The following MAP2K5 variants were observed in gnomAD, a reference collection of about 807,000 sequenced individuals.
The protein encoded by MAP2K5 is mitogen-activated protein kinase kinase 5.
Under a neutral mutation model 83.1 loss-of-function variants are expected in MAP2K5, and 49 were observed. The ratio of observed to expected loss-of-function variants is 0.59; its 90% CI spans 0.47 to 0.75. The LOEUF (loss-of-function observed/expected upper bound fraction) is 0.75. MAP2K5 is among the 30% of genes least tolerant of loss of function. The pLI is 0.00. For synonymous variants in MAP2K5, 202 were observed against 191.8 expected (o/e 1.05, Z -0.44); for missense variants, 457 against 557.5 (o/e 0.82, Z 1.82).
In MAP2K5 at chr15:67,800,161, T is replaced by G. The variant is rs1404249895; in HGVS notation, c.1243-6485T>G. 5.3e-5 allele frequency among the ~76,000 whole-genome samples: 8 copies of G among 152,348 alleles called. No individual in the cohort carries two copies. In the East Asian group the frequency reaches 1.5e-3, roughly 29 times the overall value. On this transcript the variant is annotated intron_variant, in intron 21 of 21. Coordinates refer to ENST00000178640, the MANE Select transcript of MAP2K5 (RefSeq NM_145160.3). ...CACTTGTCAGCAATTCAGCAGACAG[T>G]GGAAATCTGTGCATCCTCCCATAAA...
At chr15:67,605,581 G>A (rs2085761820) in intron 8 of MAP2K5, among the ~76,000 whole-genome samples, 1 of 151,994 alleles carries the variant, frequency 6.6e-6, no homozygotes, top group Non-Finnish European at 1.5e-5. Flanking sequence ...AGGACAGCTG[G>A]GTTAAGCCCA....
intron 9 of MAP2K5, among the ~76,000 whole-genome samples, chr15:67,635,447 T>C (rs2086582611): frequency 6.6e-6 from 1 of 152,172 alleles, no homozygotes; most frequent in Non-Finnish European, 1.5e-5. Context: ...AGTGCAGGGA[T>C]TACAGGTGTG....
intron 19 of MAP2K5, among the ~76,000 whole-genome samples, chr15:67,767,953 A>G (rs1313250704): frequency 2.6e-5 from 4 of 152,144 alleles, no homozygotes; most frequent in African/African-American, 9.7e-5. Context: ...ATTGCTAACC[A>G]TCCCTTCTTC....
chr15:67,646,675 T>G (rs1265931988), intron 11 of MAP2K5, among the ~76,000 whole-genome samples: 1 of 152,186 alleles, frequency 6.6e-6, no homozygotes, highest in African/African-American at 2.4e-5. Flanking sequence ...GAATTGAACT[T>G]CACTTTTATT....
rs183604271 is a variant in MAP2K5, at chr15:67,781,273, A to G, written c.1242+8521A>G. Among the ~76,000 whole-genome samples the G allele has an allele frequency of 6.6e-6, 1 of 152,238 alleles. No individual in the cohort carries two copies. Among genetic ancestry groups the G allele is most frequent in the Non-Finnish European group, 1.5e-5 (1 of 68,044 alleles). Reference sequence around the variant, plus strand: ...TTATCAATTATTAACCAGTCTAACCAGGAATTTTAAGAGCTGGGGAAAATA... The same window carrying G: ...TTATCAATTATTAACCAGTCTAACCGGGAATTTTAAGAGCTGGGGAAAATA... On this transcript the variant is annotated intron_variant, in intron 21 of 21. Transcript: ENST00000178640. The surrounding 1 kb of genome is among the most constrained non-coding windows in gnomAD (Gnocchi z 4.0).
At chr15:67,627,671 CT>C (rs1305041367) in intron 8 of MAP2K5, among the ~76,000 whole-genome samples, 2 of 152,184 alleles carry the variant, frequency 1.3e-5, no homozygotes. Context: ...TCAAAAAACT[CT>C]TGTCAGTGAT....
rs1472625822 is a variant in MAP2K5 at position 67,559,835 on chromosome 15, G to A, written c.185-3448G>A. Among the ~76,000 whole-genome samples, 1 of 152,054 alleles carries A rather than the reference G, an allele frequency of 6.6e-6. No individual in the cohort carries two copies. The highest frequency in any genetic ancestry group is 2.4e-5 in the African/African-American group (1 of 41,408). On this transcript the variant is annotated intron_variant, in intron 2 of 21. Coordinates refer to ENST00000178640, the MANE Select transcript of MAP2K5 (RefSeq NM_145160.3). This position sits in a 1 kb window ranked among gnomAD's most constrained non-coding sequence, Gnocchi z 4.7. The stretch of plus-strand genomic sequence containing the variant: ...CCTTTTGTTGGTCATATCCGGTAAC[G>A]TTTTTTTGGTCAGATGGCAAAGAAC...
At chr15:67,796,111 T>G (rs752550095) in intron 21 of MAP2K5, among the ~76,000 whole-genome samples, 1 of 152,264 alleles carries the variant, frequency 6.6e-6, no homozygotes, top group Non-Finnish European at 1.5e-5. Context: ...TTGTTGTTGA[T>G]GTTTTAAATT....
At chr15:67,550,687 A>G (rs1273550148) in intron 2 of MAP2K5, among the ~76,000 whole-genome samples, 1 of 152,000 alleles carries the variant, frequency 6.6e-6, no homozygotes, top group Non-Finnish European at 1.5e-5. Context: ...TCAGTAGCAT[A>G]AGGGCCCGGA....
intron 2 of MAP2K5, among the ~76,000 whole-genome samples, chr15:67,556,574 T>C (rs1373511648): frequency 3.4e-5 from 5 of 145,272 alleles, no homozygotes; most frequent in Admixed American, 2.8e-4. Context: ...TTTTTTGAGA[T>C]GGAGTCTTGC....
chr15:67,685,406 G>T (rs929044875), intron 13 of MAP2K5, among the ~76,000 whole-genome samples: 4 of 151,844 alleles, frequency 2.6e-5, no homozygotes, highest in African/African-American at 7.3e-5. Flanking sequence ...GAATATGAGA[G>T]AATTCATTGC....
rs745419455 is a variant in MAP2K5 at position 67,806,810 on chromosome 15, G to A, written c.*60G>A. On this transcript the variant is annotated 3_prime_UTR_variant, in exon 22 of 22. Transcript: ENST00000178640. ...AACCAAGGAGAACAACCCACCCGTCGCCCTTCTCCGTATGCTGCCTGCGCC... is the reference window on the plus strand; with the variant it reads ...AACCAAGGAGAACAACCCACCCGTCACCCTTCTCCGTATGCTGCCTGCGCC... The A allele has an allele frequency of 4.4e-6, 7 of 1,597,718 alleles. No homozygotes were observed. The Admixed American group carries it at 8.4e-5, about 19-fold the overall frequency.
At chr15:67,756,332 A>G (rs1031843912) in intron 19 of MAP2K5, among the ~76,000 whole-genome samples, 13 of 152,230 alleles carry the variant, frequency 8.5e-5, no homozygotes, top group African/African-American at 3.1e-4. Flanking sequence ...AAAGATACAC[A>G]TAAGTTTTGA....
chr15:67,572,547 C>T lies in MAP2K5; in HGVS notation c.253-8207C>T, dbSNP rs1036619334. Reference sequence around the variant, plus strand: ...CTCACTCCATAGAGTAGGACGTTCCCGAAAGTAGGAGGATGAATGTGCCCA... The same window carrying T: ...CTCACTCCATAGAGTAGGACGTTCCTGAAAGTAGGAGGATGAATGTGCCCA... On this transcript the variant is annotated intron_variant, in intron 3 of 21. Coordinates refer to ENST00000178640, the MANE Select transcript of MAP2K5 (RefSeq NM_145160.3). This position sits in a 1 kb window ranked among gnomAD's most constrained non-coding sequence, Gnocchi z 4.2. Among the ~76,000 whole-genome samples, 1 of 151,902 alleles carries T rather than the reference C, an allele frequency of 6.6e-6. No individual in the cohort carries two copies. Among genetic ancestry groups the T allele is most frequent in the African/African-American group, 2.4e-5 (1 of 41,326 alleles).
chr15:67,714,367 T>C (rs1415877658), intron 16 of MAP2K5, among the ~76,000 whole-genome samples: 3 of 135,332 alleles, frequency 2.2e-5, no homozygotes, highest in Non-Finnish European at 4.6e-5. Context: ...CTCTTGCCTC[T>C]AAATATACAG....
chr15:67,732,802 G>A (rs978787154), intron 17 of MAP2K5, among the ~76,000 whole-genome samples: 1 of 152,092 alleles, frequency 6.6e-6, no homozygotes, highest in Non-Finnish European at 1.5e-5. Flanking sequence ...TACTTCCGGA[G>A]GCCAAAACTG....
Position 67,782,243 on chromosome 15 carries a change from G to A in MAP2K5, c.1242+9491G>A, listed in dbSNP as rs1169003686. Among the ~76,000 whole-genome samples the A allele has an allele frequency of 6.6e-6, 1 of 152,254 alleles. No individual in the cohort carries two copies. The highest frequency in any genetic ancestry group is 1.5e-5 in the Non-Finnish European group (1 of 68,042). On this transcript the variant is annotated intron_variant, in intron 21 of 21. Transcript: ENST00000178640. This position sits in a 1 kb window ranked among gnomAD's most constrained non-coding sequence, Gnocchi z 4.9. ...AGCCCCCAAAACCTGTTGAGGATTA[G>A]AAGTAGCTTTAGATGTGAAATGAGT...
rs777840861 is a variant in MAP2K5, at chr15:67,749,283, A to T, written c.1134+682A>T. 1.3e-5 allele frequency among the ~76,000 whole-genome samples: 2 copies of T among 152,256 alleles called. No individual in the cohort carries two copies. The highest frequency in any genetic ancestry group is 2.9e-5 in the Non-Finnish European group (2 of 68,016). ...TTGTCTACTTCTTATTCTGACTTTA[A>T]ATTCCTTTTCTGTAAACCATCAATC... is the stretch of plus-strand genomic sequence containing the variant. On this transcript the variant is annotated intron_variant, in intron 19 of 21. Coordinates refer to ENST00000178640, the MANE Select transcript of MAP2K5 (RefSeq NM_145160.3). This position sits in a 1 kb window ranked among gnomAD's most constrained non-coding sequence, Gnocchi z 4.6.
At position 67,559,586 on chromosome 15, in the gene MAP2K5, T is replaced by C. The variant is rs2084694579; in HGVS notation, c.185-3697T>C. On this transcript the variant is annotated intron_variant, in intron 2 of 21. Coordinates refer to ENST00000178640, the MANE Select transcript of MAP2K5 (RefSeq NM_145160.3). The surrounding 1 kb of genome is among the most constrained non-coding windows in gnomAD (Gnocchi z 4.7). ...AGATTTTGTGAAGATTGCTTCATAA[T>C]ATTGGTTTACCATCTGCTGCACTCT... Among the ~76,000 whole-genome samples, 1 of 152,222 alleles carries C rather than the reference T, an allele frequency of 6.6e-6. No individual in the cohort carries two copies. Among genetic ancestry groups the C allele is most frequent in the African/African-American group, 2.4e-5 (1 of 41,452 alleles).
Sources: allele counts gnomAD v4.1 joint callset (sites outside exome capture counted in the v4.1 genomes callset), GRCh38; gene constraint gnomAD v4.1.1; non-coding constraint Gnocchi (gnomAD v3.1); transcripts MANE v1.5; gene names NCBI Gene and HGNC (gene_info 2026-07-23, HGNC 2026-07-21).